The following ASH2L variants were observed in gnomAD, a reference collection of about 807,000 sequenced individuals.
The protein encoded by ASH2L is set1/Ash2 histone methyltransferase complex subunit ASH2.
Under a neutral mutation model 81.1 loss-of-function variants are expected in ASH2L, and 30 were observed. The ratio of observed to expected loss-of-function variants is 0.37; its 90% CI spans 0.28 to 0.50. The LOEUF is 0.50. Ranked by LOEUF, ASH2L falls within the 20% of genes least tolerant of loss-of-function variation. The pLI is 0.95. For missense variants in ASH2L, 559 were observed against 792.1 expected (o/e 0.71, Z 3.53); for synonymous variants, 273 against 279.9 (o/e 0.98, Z 0.24).
intron 5 of ASH2L, among the ~76,000 whole-genome samples, chr8:38,112,151 C>T (rs535440359): frequency 7.2e-5 from 11 of 152,218 alleles, no homozygotes; most frequent in South Asian, 2.1e-4. Flanking sequence ...GGATTCCAGG[C>T]GCATGCTACC....
chr8:38,105,970 C>T (rs1462116829), intron 1 of ASH2L: 2 of 1,527,348 alleles, frequency 1.3e-6, no homozygotes, highest in Non-Finnish European at 1.8e-6. Context: ...ATCTCTGATC[C>T]TTGCACCCTG....
intron 9 of ASH2L, among the ~76,000 whole-genome samples, chr8:38,120,488 C>T (rs531088256): frequency 6.6e-6 from 1 of 152,114 alleles, no homozygotes; most frequent in South Asian, 2.1e-4. Context: ...AATCTCGGCT[C>T]ACTGCACAAG....
intron 7 of ASH2L, 100 bp from the exon 8 acceptor site, chr8:38,116,550 C>A: frequency 1.1e-6 from 1 of 936,182 alleles, no homozygotes; most frequent in Non-Finnish European, 1.7e-6. Flanking sequence ...AAAGAATTGT[C>A]AATTTTAGTT....
chr8:38,137,259 G>A (rs990078558), intron 14 of ASH2L, among the ~76,000 whole-genome samples: 2 of 150,922 alleles, frequency 1.3e-5, no homozygotes, highest in Non-Finnish European at 3.0e-5. Context: ...AAATTAGCCG[G>A]GCATCGGCCG....
intron 3 of ASH2L, among the ~76,000 whole-genome samples, chr8:38,110,117 T>C (rs1198910561): frequency 6.6e-6 from 1 of 152,214 alleles, no homozygotes; most frequent in African/African-American, 2.4e-5. Flanking sequence ...GCGTACAGCC[T>C]GTGCAGCATG....
rs146845641 is a variant in ASH2L at position 38,119,859 on chromosome 8, C to T, written c.947+496C>T. ...CCAGGCCGGGCACGGTGGGTCATGC[C>T]TGTAATCCCAGCACTTTGGGAGGCT... On this transcript the variant is annotated intron_variant, in intron 9 of 15. Transcript: ENST00000343823. Among the ~76,000 whole-genome samples, 29 of 150,664 alleles carry T rather than the reference C, an allele frequency of 1.9e-4. No homozygotes were observed. The East Asian group carries it at 5.5e-3, about 29-fold the overall frequency.
chr8:38,135,238 C>T (rs3886364), intron 13 of ASH2L, among the ~76,000 whole-genome samples: 5,031 of 152,010 alleles, frequency 0.033, 283 homozygotes, highest in East Asian at 0.24. Flanking sequence ...AACAAAGCCC[C>T]GGACTTTGAG....
chr8:38,108,387 T>G (rs1391961415), intron 3 of ASH2L, among the ~76,000 whole-genome samples: 2 of 152,148 alleles, frequency 1.3e-5, no homozygotes, highest in Non-Finnish European at 1.5e-5. Context: ...ACTAGAGAGA[T>G]AACTGGGAGG....
At chr8:38,120,126 AAAAAC>A (rs1445680012) in intron 9 of ASH2L, among the ~76,000 whole-genome samples, 1 of 152,242 alleles carries the variant, frequency 6.6e-6, no homozygotes, top group Non-Finnish European at 1.5e-5. Flanking sequence ...ACTGTCTCAA[AAAAAC>A]AAAACAAACC....
chr8:38,110,565 G>T, intron 4 of ASH2L, 98 bp downstream of exon 4: 5 of 1,291,048 alleles, frequency 3.9e-6, no homozygotes, highest in Non-Finnish European at 5.6e-6. Flanking sequence ...CTAGTAGCTG[G>T]TATAAATTCA....
At chr8:38,136,414 G>T (rs1359044606) in intron 14 of ASH2L, among the ~76,000 whole-genome samples, 1 of 148,710 alleles carries the variant, frequency 6.7e-6, no homozygotes, top group Non-Finnish European at 1.5e-5. Flanking sequence ...CATGAAGAAG[G>T]GTACTATCAT....
At chr8:38,116,597 C>A (rs895984824) in intron 7 of ASH2L, 53 bp from the exon 8 acceptor site, 2 of 1,360,132 alleles carry the variant, frequency 1.5e-6, no homozygotes, top group African/African-American at 1.5e-5. Context: ...TTATGAGCAT[C>A]CAGATTGACT....
At chr8:38,129,462 C>G (rs1801972759) in intron 12 of ASH2L, among the ~76,000 whole-genome samples, 1 of 152,118 alleles carries the variant, frequency 6.6e-6, no homozygotes. Flanking sequence ...GAGACCCCAT[C>G]TGTACAAAAG....
intron 2 of ASH2L, 72 bp from the exon 3 acceptor site, chr8:38,106,949 C>G (rs1181651007): frequency 3.8e-6 from 6 of 1,568,760 alleles, no homozygotes; most frequent in Non-Finnish European, 5.2e-6. Context: ...AGACCCCCGT[C>G]TCTTAAAAAA....
intron 10 of ASH2L, among the ~76,000 whole-genome samples, chr8:38,123,082 CT>C (rs59410420): frequency 0.014 from 1,445 of 100,896 alleles, 17 homozygotes; most frequent in South Asian, 0.075. Context: ...TTCAGAATTT[CT>C]TTTTTTTTTT....
intron 12 of ASH2L, 104 bp downstream of exon 12, chr8:38,129,055 G>T (rs1373587782): frequency 1.4e-6 from 2 of 1,477,722 alleles, no homozygotes; most frequent in East Asian, 2.3e-5. Context: ...CACAGCTCAC[G>T]TTTTTTCCTA....
chr8:38,133,212 T>C (rs1563261792), intron 12 of ASH2L, among the ~76,000 whole-genome samples: 1 of 152,208 alleles, frequency 6.6e-6, no homozygotes, highest in Non-Finnish European at 1.5e-5. Flanking sequence ...AGCATGTATG[T>C]ATTATGTATT....
rs1047321907 is a variant in ASH2L at position 38,138,612 on chromosome 8, C to T, written c.1720-204C>T. On this transcript the variant is annotated intron_variant, in intron 14 of 15. Transcript: ENST00000343823. ...ATTTTTCTTTGACAACAGAAATCAA[C>T]ACAGATCTCTTTTAGTTACCTAATT... The T allele has an allele frequency of 3.8e-5, 20 of 520,756 alleles. No homozygotes were observed. The African/African-American group carries it at 3.9e-4, about 10-fold the overall frequency. 32.3% of individuals were successfully genotyped at this position (520,756 alleles called of 1,614,324 possible).
intron 14 of ASH2L, among the ~76,000 whole-genome samples, chr8:38,137,185 G>T (rs1410465476): frequency 6.6e-6 from 1 of 151,812 alleles, no homozygotes; most frequent in East Asian, 1.9e-4. Context: ...GGCAGATCAC[G>T]AGGTCAAGAG....
Sources: gnomAD v4.1 joint callset for allele counts (sites outside exome capture counted in the v4.1 genomes callset) on GRCh38, gnomAD v4.1.1 for gene constraint, MANE v1.5 for transcripts, NCBI Gene and HGNC (gene_info 2026-07-23, HGNC 2026-07-21) for gene names.